PCDH11X: variants seen among roughly 807,000 people sequenced by gnomAD.
PCDH11X encodes the protein protocadherin 11 X-linked.
A neutral mutation model predicts 53.3 loss-of-function variants in PCDH11X; 18 were observed. That is an observed-to-expected ratio of 0.34 (90% CI 0.23 to 0.50). PCDH11X has a LOEUF of 0.50. Ranked by LOEUF, PCDH11X falls within the 20% of genes least tolerant of loss-of-function variation. The probability of loss-of-function intolerance (pLI) is 0.98; values close to 1 mark genes in which losing one functional copy is unlikely to be tolerated. For synonymous variants in PCDH11X, 279 were observed against 393.3 expected, an observed-to-expected ratio of 0.71 and a Z score of 3.44; for missense variants, 570 against 1,032.4, an observed-to-expected ratio of 0.55 and a Z score of 6.14.
intron 10 of PCDH11X, among the ~76,000 whole-genome samples, chrX:92,497,896 C>T (rs2073886661): frequency 1.8e-5 from 2 of 111,281 alleles, no homozygotes; most frequent in South Asian, 7.5e-4. Context: ...GATATGCTGT[C>T]GTAAAGGTTG....
chrX:91,932,163 T>C (rs1377337165), intron 6 of PCDH11X, among the ~76,000 whole-genome samples: 1 of 105,322 alleles, frequency 9.5e-6, no homozygotes, highest in Non-Finnish European at 1.9e-5. Flanking sequence ...CGTGATGTCA[T>C]GTTTTTTTTT....
Position 91,972,917 on chromosome X carries a change from A to G in PCDH11X, c.3033+93644A>G, listed in dbSNP as rs1353093586. 6.3e-5 allele frequency among the ~76,000 whole-genome samples: 7 copies of G among 111,025 alleles called. No homozygotes were observed. The East Asian group carries it at 2.0e-3, about 32-fold the overall frequency. On this transcript the variant is annotated intron_variant, in intron 6 of 10. Coordinates refer to ENST00000682573, the MANE Select transcript of PCDH11X (RefSeq NM_032968.5). ...GATCTAGAACTAGAAATACCATTTG[A>G]CCCAGCCATCCCATTACTGGGTATA... is the stretch of plus-strand genomic sequence containing the variant.
Position 92,201,469 on chromosome X carries a change from C to T in PCDH11X, c.3114+14C>T, listed in dbSNP as rs766607400. On this transcript the variant is annotated intron_variant, in intron 7 of 10. Transcript: ENST00000682573. ...CCCCAACCACAGGTATGGCAAAAGC[C>T]CTATGATTTTTCCTCCCCCTTCCTT... is the stretch of plus-strand genomic sequence containing the variant. The T allele has an allele frequency of 6.4e-6, 7 of 1,094,084 alleles. No individual in the cohort carries two copies. The South Asian group carries it at 1.4e-4, about 22-fold the overall frequency. 90.2% of individuals were successfully genotyped at this position (1,094,084 alleles called of 1,213,427 possible).
intron 6 of PCDH11X, among the ~76,000 whole-genome samples, chrX:92,125,283 A>G (rs2064840883): frequency 8.9e-6 from 1 of 111,948 alleles, no homozygotes; most frequent in African/African-American, 3.2e-5. Context: ...AAAGTTATTC[A>G]TATTGATTAT....
chrX:92,188,406 A>C (rs919543520), intron 6 of PCDH11X, among the ~76,000 whole-genome samples: 2 of 111,515 alleles, frequency 1.8e-5, no homozygotes, highest in Admixed American at 1.9e-4. Flanking sequence ...TTAGAAAACA[A>C]AGACTAAGAT....
At chrX:91,781,993 A>G (rs1467455360) in intron 1 of PCDH11X, among the ~76,000 whole-genome samples, 1 of 110,697 alleles carries the variant, frequency 9.0e-6, no homozygotes, top group Non-Finnish European at 1.9e-5. Context: ...CCTGTTCTTC[A>G]GTCGCCTTGG....
At chrX:91,953,516 A>G (rs1391098317) in intron 6 of PCDH11X, among the ~76,000 whole-genome samples, 2 of 110,240 alleles carry the variant, frequency 1.8e-5, no homozygotes, top group Non-Finnish European at 3.8e-5. Context: ...AAGTTGGCAC[A>G]GGGCTGAAAC....
chrX:92,541,539 A>G (rs1165173108), intron 10 of PCDH11X, among the ~76,000 whole-genome samples: 1 of 111,568 alleles, frequency 9.0e-6, no homozygotes, highest in Non-Finnish European at 1.9e-5. Context: ...TGGTCCAGTG[A>G]TGGTGTTTCT....
chrX:92,248,766 G>A (rs758423095), intron 7 of PCDH11X, among the ~76,000 whole-genome samples: 73 of 111,054 alleles, frequency 6.6e-4, no homozygotes, highest in African/African-American at 2.1e-3. Context: ...TCTTGGCTCC[G>A]CCTCCTGGGT....
intron 6 of PCDH11X, among the ~76,000 whole-genome samples, chrX:92,113,052 A>T (rs1210254863): frequency 9.2e-6 from 1 of 108,841 alleles, no homozygotes; most frequent in Non-Finnish European, 1.9e-5. Context: ...GGGAAGGAAC[A>T]GTACTTCTAC....
intron 7 of PCDH11X, among the ~76,000 whole-genome samples, chrX:92,234,873 C>T (rs1462631273): frequency 9.0e-6 from 1 of 110,604 alleles, no homozygotes; most frequent in Non-Finnish European, 1.9e-5. Flanking sequence ...AGATGCTGTG[C>T]ATTAAAAGAT....
At chrX:91,864,949 T>C (rs1396098667) in intron 5 of PCDH11X, among the ~76,000 whole-genome samples, 4 of 111,447 alleles carry the variant, frequency 3.6e-5, no homozygotes, top group Admixed American at 9.6e-5. Flanking sequence ...TTTGAGTTTC[T>C]TCAACACAGC....
chrX:92,454,514 T>C (rs2072872154), intron 9 of PCDH11X, among the ~76,000 whole-genome samples: 1 of 108,631 alleles, frequency 9.2e-6, no homozygotes, highest in Non-Finnish European at 1.9e-5. Context: ...ATTTTTTCTT[T>C]TTTTAAGTTT....
chrX:92,293,416 A>C (rs1266862294), intron 8 of PCDH11X, among the ~76,000 whole-genome samples: 1 of 110,100 alleles, frequency 9.1e-6, no homozygotes, highest in African/African-American at 3.3e-5. Context: ...TGAGGTCAGG[A>C]GATCGAGACC....
rs1235885175 is a variant in PCDH11X, at chrX:92,411,882, AAAAAG to A, written c.3343+23952_3343+23956del. Among the ~76,000 whole-genome samples, 373 of 70,604 alleles carry A rather than the reference AAAAAG, an allele frequency of 5.3e-3. 8 individuals carry two copies. In the South Asian group the frequency reaches 0.076, roughly 14 times the overall value. The allele number at this position is 70,604 out of a possible 115,157, so 61.3% of individuals were successfully genotyped here. On this transcript the variant is annotated intron_variant, in intron 9 of 10. Coordinates refer to ENST00000682573, the MANE Select transcript of PCDH11X (RefSeq NM_032968.5). ...GAAGAAAGAAAGAAAGAAGAAGAAG[AAAAAG>A]AAGAAGAAGAGGGAAGAGGAGTGGG...
At chrX:92,500,584 T>C (rs1287309699) in intron 10 of PCDH11X, among the ~76,000 whole-genome samples, 1 of 110,293 alleles carries the variant, frequency 9.1e-6, no homozygotes, top group Non-Finnish European at 1.9e-5. Context: ...GATTAAGACA[T>C]CCACTCAAAA....
At chrX:92,337,831 T>A (rs1406177473) in intron 8 of PCDH11X, among the ~76,000 whole-genome samples, 1 of 111,628 alleles carries the variant, frequency 9.0e-6, no homozygotes, top group African/African-American at 3.3e-5. Context: ...AAATGAATAC[T>A]GTATCTATAT....
intron 8 of PCDH11X, among the ~76,000 whole-genome samples, chrX:92,272,822 C>T (rs1380077910): frequency 1.8e-5 from 2 of 111,855 alleles, no homozygotes; most frequent in African/African-American, 3.3e-5. Context: ...ATTCAAGGAC[C>T]GCATTGTCTA....
At chrX:91,834,513 G>A (rs1602324573) in intron 4 of PCDH11X, 1 of 108,044 alleles carries the variant, frequency 9.3e-6, no homozygotes, top group East Asian at 2.9e-4. Context: ...CTATAGATGT[G>A]AAAACCCATT....
Sources: allele counts gnomAD v4.1 joint callset (sites outside exome capture counted in the v4.1 genomes callset), GRCh38; gene constraint gnomAD v4.1.1; transcripts MANE v1.5; gene names NCBI Gene and HGNC (gene_info 2026-07-23, HGNC 2026-07-21).